FBXL7: variants seen among roughly 807,000 people sequenced by gnomAD.
FBXL7 encodes F-box and leucine rich repeat protein 7.
FBXL7 carries 12 observed loss-of-function variants against 38.3 expected under a neutral mutation model. That is an observed-to-expected ratio of 0.31 (90% CI 0.20 to 0.51). The LOEUF is 0.51. Ranked by LOEUF, FBXL7 falls within the 20% of genes least tolerant of loss-of-function variation. FBXL7 has a pLI of 0.98. For synonymous variants in FBXL7, 297 were observed against 300.9 expected, an observed-to-expected ratio of 0.99 and a Z score of 0.13; for missense variants, 567 against 676.4, an observed-to-expected ratio of 0.84 and a Z score of 1.79.
intron 2 of FBXL7, among the ~76,000 whole-genome samples, chr5:15,628,604 A>G (rs780447161): frequency 2.6e-5 from 4 of 152,218 alleles, no homozygotes; most frequent in Non-Finnish European, 5.9e-5. Context: ...TGAATAATCC[A>G]TCCATTAACA....
intron 1 of FBXL7, among the ~76,000 whole-genome samples, chr5:15,568,800 C>G (rs1738672904): frequency 6.6e-6 from 1 of 152,062 alleles, no homozygotes; most frequent in African/African-American, 2.4e-5. Flanking sequence ...TTTCAGTTTT[C>G]TACATATGGC....
intron 1 of FBXL7, among the ~76,000 whole-genome samples, chr5:15,592,339 T>G (rs939179016): frequency 1.3e-5 from 2 of 152,158 alleles, no homozygotes; most frequent in African/African-American, 2.4e-5. Flanking sequence ...GAGATGCACC[T>G]GGCTCTGGGA....
chr5:15,711,656 A>G (rs6875955), intron 2 of FBXL7, among the ~76,000 whole-genome samples: 82,420 of 151,896 alleles, frequency 0.54, 22,611 homozygotes, highest in East Asian at 0.68. Flanking sequence ...AATGAATGGC[A>G]TCCCTACAAT....
chr5:15,535,412 A>G (rs966530886), intron 1 of FBXL7, among the ~76,000 whole-genome samples: 1 of 152,222 alleles, frequency 6.6e-6, no homozygotes, highest in Admixed American at 6.5e-5. Flanking sequence ...GATTTTGACC[A>G]AAATGCTAAT....
intron 1 of FBXL7, among the ~76,000 whole-genome samples, chr5:15,572,151 A>AT: frequency 6.6e-6 from 1 of 152,250 alleles, no homozygotes; most frequent in Non-Finnish European, 1.5e-5. Context: ...AGCCATGAAC[A>AT]TTTACTATCT....
At chr5:15,542,041 A>G (rs1413898172) in intron 1 of FBXL7, among the ~76,000 whole-genome samples, 1 of 152,084 alleles carries the variant, frequency 6.6e-6, no homozygotes, top group Admixed American at 6.5e-5. Context: ...TACATCCTGA[A>G]AATCACTGTC....
intron 2 of FBXL7, among the ~76,000 whole-genome samples, chr5:15,680,161 T>C (rs1441911941): frequency 6.6e-6 from 1 of 152,210 alleles, no homozygotes. Context: ...CTACCTTACA[T>C]GGTGTTTTCA....
intron 2 of FBXL7, among the ~76,000 whole-genome samples, chr5:15,927,169 T>C (rs1309073480): frequency 1.3e-5 from 2 of 152,080 alleles, no homozygotes; most frequent in South Asian, 4.1e-4. Context: ...CTTTTATAAA[T>C]TAGGTTTTAT....
chr5:15,842,986 A>T (rs1031292757), intron 2 of FBXL7, among the ~76,000 whole-genome samples: 1 of 152,250 alleles, frequency 6.6e-6, no homozygotes, highest in African/African-American at 2.4e-5. Context: ...TTTGCTACAA[A>T]TATAAGGTTA....
intron 2 of FBXL7, among the ~76,000 whole-genome samples, chr5:15,866,269 G>A (rs181338632): frequency 1.5e-3 from 224 of 152,286 alleles, no homozygotes; most frequent in Non-Finnish European, 2.5e-3. Flanking sequence ...TGCAACTGTG[G>A]AATTATTAGC....
intron 2 of FBXL7, among the ~76,000 whole-genome samples, chr5:15,833,274 A>G (rs978748944): frequency 1.3e-5 from 2 of 152,078 alleles, no homozygotes; most frequent in Non-Finnish European, 2.9e-5. Flanking sequence ...GAGAGATGGC[A>G]CCTTCTTGCT....
intron 2 of FBXL7, among the ~76,000 whole-genome samples, chr5:15,913,240 CT>C (rs71605517): frequency 4.6e-4 from 67 of 144,296 alleles, no homozygotes; most frequent in African/African-American, 9.4e-4. Context: ...ATCATATTTT[CT>C]TTTTTTTTTT....
intron 2 of FBXL7, among the ~76,000 whole-genome samples, chr5:15,755,023 G>A (rs1318468021): frequency 6.6e-6 from 1 of 152,154 alleles, no homozygotes; most frequent in Admixed American, 6.5e-5. Context: ...GGAAAATAAA[G>A]GGGAATGGCT....
chr5:15,825,907 A>C (rs978021742), intron 2 of FBXL7, among the ~76,000 whole-genome samples: 7 of 152,212 alleles, frequency 4.6e-5, no homozygotes, highest in African/African-American at 1.4e-4. Context: ...CCAAGTAAGA[A>C]ACAAAACCAG....
At chr5:15,711,312 A>G (rs1432026610) in intron 2 of FBXL7, among the ~76,000 whole-genome samples, 1 of 152,184 alleles carries the variant, frequency 6.6e-6, no homozygotes, top group Non-Finnish European at 1.5e-5. Context: ...CTCGGCCTCC[A>G]TGATTGCGTG....
At chr5:15,508,214 G>A (rs762382928) in intron 1 of FBXL7, among the ~76,000 whole-genome samples, 27 of 152,098 alleles carry the variant, frequency 1.8e-4, no homozygotes, top group Non-Finnish European at 3.1e-4. Context: ...AATATCTTCT[G>A]TAATTTATTG....
At chr5:15,830,472 A>T (rs1738425113) in intron 2 of FBXL7, among the ~76,000 whole-genome samples, 1 of 139,250 alleles carries the variant, frequency 7.2e-6, no homozygotes, top group East Asian at 2.2e-4. Context: ...CGACAGAGTG[A>T]GACTCCATCT....
intron 2 of FBXL7, among the ~76,000 whole-genome samples, chr5:15,859,893 G>T (rs1274918271): frequency 6.6e-6 from 1 of 152,192 alleles, no homozygotes; most frequent in Middle Eastern, 3.4e-3. Context: ...GTTGACCAAG[G>T]TTCACAATTT....
At chr5:15,777,730 A>AAAAAAAAAAAAAAAAAAAAAAAAAC in intron 2 of FBXL7, among the ~76,000 whole-genome samples, 1 of 130,574 alleles carries the variant, frequency 7.7e-6, no homozygotes, top group African/African-American at 2.8e-5. Flanking sequence ...TAAAAAAAAA[A>AAAAAAAAAAAAAAAAAAAAAAAAAC]AAAAAAAAAA....
Sources: allele counts gnomAD v4.1 joint callset (sites outside exome capture counted in the v4.1 genomes callset), GRCh38; gene constraint gnomAD v4.1.1; transcripts MANE v1.5; gene names NCBI Gene and HGNC (gene_info 2026-07-23, HGNC 2026-07-21).